The following TRERF1 variants were observed in gnomAD, a reference collection of about 807,000 sequenced individuals.
TRERF1 encodes the protein transcriptional-regulating factor 1.
Under a neutral mutation model 122.9 loss-of-function variants are expected in TRERF1, and 27 were observed. The observed-to-expected ratio is 0.22, with a 90% CI of 0.16 to 0.30. The LOEUF (loss-of-function observed/expected upper bound fraction) is 0.30, where lower values mean the gene tolerates loss of function less well. TRERF1 is among the 10% of genes least tolerant of loss of function. The pLI, the probability that TRERF1 is intolerant of heterozygous loss-of-function variation, is 1.00. For synonymous variants in TRERF1, 636 were observed against 641.7 expected (o/e 0.99, Z 0.13); for missense variants, 1,248 against 1,560.3 (o/e 0.80, Z 3.37).
Position 42,412,361 on chromosome 6 carries a change from A to C in TRERF1, c.-454+38816T>G, listed in dbSNP as rs575092818. Among the ~76,000 whole-genome samples the C allele has an allele frequency of 5.3e-5, 8 of 152,322 alleles. No homozygotes were observed. The East Asian group carries it at 1.5e-3, about 29-fold the overall frequency. On this transcript the variant is annotated intron_variant, in intron 2 of 17. Coordinates refer to ENST00000372922, the Ensembl canonical transcript of TRERF1. ...CATGTTCAGAGAAATTTCTCTAGTA[A>C]TGAACTATAGAAATGATTCCTGAAA...
chr6:42,246,339 T>G (rs1186021388), intron 14 of TRERF1, 117 bp downstream of exon 14: 27 of 802,744 alleles, frequency 3.4e-5, no homozygotes, highest in Non-Finnish European at 5.3e-5. Context: ...CACCAGCGAG[T>G]GTGGAAGACA....
At chr6:42,326,252 A>T (rs891645715) in intron 3 of TRERF1, among the ~76,000 whole-genome samples, 28 of 114,972 alleles carry the variant, frequency 2.4e-4, no homozygotes, top group African/African-American at 1.7e-3. Context: ...AAGGGGTGAC[A>T]GGGGCCTGTA....
intron 8 of TRERF1, among the ~76,000 whole-genome samples, chr6:42,261,063 A>AC (rs1777760683): frequency 7.1e-6 from 1 of 141,294 alleles, no homozygotes; most frequent in Non-Finnish European, 1.5e-5. Context: ...CCCCCAGGGG[A>AC]CCCTCCTTAG....
At chr6:42,283,412 T>C (rs1378470562) in intron 4 of TRERF1, among the ~76,000 whole-genome samples, 2 of 152,260 alleles carry the variant, frequency 1.3e-5, no homozygotes, top group Non-Finnish European at 2.9e-5. Context: ...AATTGATATA[T>C]ATTCATAAAG....
chr6:42,253,731 G>T (rs536228242), intron 13 of TRERF1, among the ~76,000 whole-genome samples: 22 of 152,282 alleles, frequency 1.4e-4, no homozygotes, highest in Admixed American at 1.4e-3. Context: ...AGGCAGGAAG[G>T]CTCGTTCATG....
chr6:42,436,806 A>ATAT (rs1332198111), intron 2 of TRERF1, among the ~76,000 whole-genome samples: 3 of 96,166 alleles, frequency 3.1e-5, no homozygotes, highest in African/African-American at 1.2e-4. Flanking sequence ...TCTACAAAAA[A>ATAT]AAAAAAAAAT....
Position 42,259,827 on chromosome 6 carries a change from T to TC in TRERF1, c.1885-105_1885-104insG. ...CTTCTACTGTCTAAGCAGAGAGCCC[T>TC]TCTGCTTGACCCCCCCACCCCCAAC... On this transcript the variant is annotated intron_variant, in intron 8 of 17. Coordinates refer to ENST00000372922, the Ensembl canonical transcript of TRERF1. The surrounding 1 kb of genome is among the most constrained non-coding windows in gnomAD (Gnocchi z 4.9). The TC allele has an allele frequency of 6.7e-7, 1 of 1,489,034 alleles. No homozygotes were observed. The highest frequency in any genetic ancestry group is 9.0e-7 in the Non-Finnish European group (1 of 1,110,942). The allele number at this position is 1,489,034 out of a possible 1,614,324, so 92.2% of individuals were successfully genotyped here.
At chr6:42,392,714 A>T (rs1304825133) in intron 2 of TRERF1, among the ~76,000 whole-genome samples, 1 of 152,196 alleles carries the variant, frequency 6.6e-6, no homozygotes, top group East Asian at 1.9e-4. Flanking sequence ...GATAGCCATC[A>T]TCCCAGCAAT....
chr6:42,228,121 A>C lies in TRERF1; in HGVS notation c.*224T>G. On this transcript the variant is annotated 3_prime_UTR_variant, in exon 18 of 18. Transcript: ENST00000372922. The surrounding 1 kb of genome is among the most constrained non-coding windows in gnomAD (Gnocchi z 4.2). The stretch of plus-strand genomic sequence containing the variant: ...AGGTAGCCCAGATGAAACACCTCTT[A>C]AAGATAGTTGTGCCAATTATTTATT... The C allele has an allele frequency of 2.2e-6, 1 of 454,822 alleles. No individual in the cohort carries two copies. Among genetic ancestry groups the C allele is most frequent in the Non-Finnish European group, 3.9e-6 (1 of 259,024 alleles). The allele number at this position is 454,822 out of a possible 1,614,324, so 28.2% of individuals were successfully genotyped here. A position where few individuals can be genotyped will look rare whatever the true frequency, so the allele number is the denominator to read the frequency against.
intron 15 of TRERF1, among the ~76,000 whole-genome samples, chr6:42,237,492 C>T (rs1313063730): frequency 5.3e-5 from 8 of 152,282 alleles, no homozygotes; most frequent in East Asian, 1.9e-4. Context: ...ACTATGCCAC[C>T]GAATAGGCTG....
Position 42,434,707 on chromosome 6 carries a change from CA to C in TRERF1, c.-454+16469del, listed in dbSNP as rs1360672251. On this transcript the variant is annotated intron_variant, in intron 2 of 17. Transcript: ENST00000372922. ...ACACACACACACACACACACACACA[CA>C]CACCCCTAATAGGAGTTATTCATGT... Among the ~76,000 whole-genome samples the C allele has an allele frequency of 2.1e-3, 319 of 151,566 alleles. 4 individuals are homozygous for C. The South Asian group carries it at 0.021, about 10-fold the overall frequency.
intron 3 of TRERF1, among the ~76,000 whole-genome samples, chr6:42,360,893 T>TA (rs1045826663): frequency 2.0e-5 from 3 of 151,074 alleles, no homozygotes; most frequent in Non-Finnish European, 4.4e-5. Flanking sequence ...ATGAGCTGAT[T>TA]AATCAATTCA....
intron 3 of TRERF1, among the ~76,000 whole-genome samples, chr6:42,313,651 G>A (rs2150370768): frequency 6.6e-6 from 1 of 152,246 alleles, no homozygotes; most frequent in Non-Finnish European, 1.5e-5. Context: ...GGCCTTCACT[G>A]AGCCCCAGGA....
chr6:42,249,718 C>G (rs75334462), intron 13 of TRERF1, among the ~76,000 whole-genome samples: 1 of 152,172 alleles, frequency 6.6e-6, no homozygotes, highest in African/African-American at 2.4e-5. Flanking sequence ...TCAGGGAGCA[C>G]AGTCTTAAGA....
intron 2 of TRERF1, among the ~76,000 whole-genome samples, chr6:42,364,911 C>T (rs1772444806): frequency 6.6e-6 from 1 of 152,152 alleles, no homozygotes; most frequent in African/African-American, 2.4e-5. Context: ...CCGCAGGAAG[C>T]ATGGGGATCC....
chr6:42,233,447 G>T, intron 16 of TRERF1, among the ~76,000 whole-genome samples: 1 of 151,906 alleles, frequency 6.6e-6, no homozygotes, highest in Non-Finnish European at 1.5e-5. Context: ...CACCACGCCT[G>T]GCTAATTTTT....
intron 3 of TRERF1, among the ~76,000 whole-genome samples, chr6:42,305,500 A>G (rs1366281927): frequency 6.6e-6 from 1 of 152,216 alleles, no homozygotes; most frequent in African/African-American, 2.4e-5. Flanking sequence ...ATACACAGGA[A>G]CAAGCACTTT....
At chr6:42,227,029 T>C (rs1296194955) in exon 18 of TRERF1, 4 of 152,248 alleles carry the variant, frequency 2.6e-5, no homozygotes, top group Non-Finnish European at 5.9e-5. Context: ...TGGGGCTAAA[T>C]GGCATTTTTG....
At chr6:42,346,382 A>G (rs1768289966) in intron 3 of TRERF1, among the ~76,000 whole-genome samples, 1 of 152,212 alleles carries the variant, frequency 6.6e-6, no homozygotes, top group Non-Finnish European at 1.5e-5. Context: ...CTGAAGGCAG[A>G]TGAATTCTAA....
Sources: allele counts gnomAD v4.1 joint callset (sites outside exome capture counted in the v4.1 genomes callset), GRCh38; gene constraint gnomAD v4.1.1; non-coding constraint Gnocchi (gnomAD v3.1); transcripts MANE v1.5; gene names NCBI Gene and HGNC (gene_info 2026-07-23, HGNC 2026-07-21).